The following PCTP variants were observed in gnomAD, a reference collection of about 807,000 sequenced individuals.
The protein encoded by PCTP is phosphatidylcholine transfer protein.
Under a neutral mutation model 31.0 loss-of-function variants are expected in PCTP, and 27 were observed. The observed-to-expected ratio is 0.87, with a 90% CI of 0.64 to 1.20. The LOEUF is 1.20. PCTP is among the 50% of genes most tolerant of loss of function. PCTP has a pLI of 0.00. For missense variants in PCTP, 287 were observed against 268.2 expected (o/e 1.07, Z -0.49); for synonymous variants, 108 against 101.2 (o/e 1.07, Z -0.40).
intron 2 of PCTP, among the ~76,000 whole-genome samples, chr17:55,786,367 T>A (rs1395002495): frequency 1.3e-5 from 2 of 152,246 alleles, no homozygotes; most frequent in African/African-American, 4.8e-5. Flanking sequence ...CATTGTTGAA[T>A]GAACATAATT....
rs574310644 is a variant in PCTP at position 55,751,128 on chromosome 17, T to G, written c.25T>G (p.Ser9Ala). The change falls in exon 1 of 6, where the codon TCG becomes GCG. Residue 9 changes from serine to alanine, a missense_variant. Ser to Ala is a moderately conservative substitution (Grantham distance 99, BLOSUM62 1). Coordinates refer to ENST00000268896, the MANE Select transcript of PCTP (RefSeq NM_021213.4). MELAAGSFSEEQFWEACAE... is the reference protein window; with the variant it reads MELAAGSFAEEQFWEACAE... The stretch of plus-strand genomic sequence containing the variant: ...GATGGAGCTGGCCGCCGGAAGCTTC[T>G]CGGAGGAGCAGTTCTGGGAGGCCTG... The G allele has an allele frequency of 1.6e-5, 25 of 1,543,616 alleles. No individual in the cohort carries two copies. The South Asian group carries it at 2.9e-4, about 18-fold the overall frequency.
chr17:55,835,659 G>A (rs539703088), intron 5 of PCTP, among the ~76,000 whole-genome samples: 47 of 152,232 alleles, frequency 3.1e-4, no homozygotes, highest in African/African-American at 1.1e-3. Context: ...AGACATTGTC[G>A]CTAAGACAAT....
chr17:55,816,720 A>C (rs1912927964), intron 3 of PCTP, among the ~76,000 whole-genome samples: 2 of 152,230 alleles, frequency 1.3e-5, no homozygotes, highest in Non-Finnish European at 2.9e-5. Flanking sequence ...TCGATTCCCT[A>C]GAAGACTGGA....
At chr17:55,819,657 A>G (rs1318618802) in intron 3 of PCTP, among the ~76,000 whole-genome samples, 1 of 152,158 alleles carries the variant, frequency 6.6e-6, no homozygotes, top group African/African-American at 2.4e-5. Flanking sequence ...TGGGAGGCTG[A>G]GGTGGTAGGA....
intron 2 of PCTP, among the ~76,000 whole-genome samples, chr17:55,782,995 AAATGAATC>A (rs1431814001): frequency 6.6e-6 from 1 of 152,246 alleles, no homozygotes; most frequent in East Asian, 1.9e-4. Flanking sequence ...CTGAAGGAAT[AAATGAATC>A]AATGGTGGGG....
At chr17:55,760,747 G>C (rs1220920324) in intron 1 of PCTP, among the ~76,000 whole-genome samples, 2 of 152,100 alleles carry the variant, frequency 1.3e-5, no homozygotes, top group African/African-American at 4.8e-5. Context: ...TTGGAGGCCT[G>C]TTGGGCAAAC....
At chr17:55,821,811 G>A (rs1913125112) in intron 3 of PCTP, among the ~76,000 whole-genome samples, 1 of 152,102 alleles carries the variant, frequency 6.6e-6, no homozygotes, top group Non-Finnish European at 1.5e-5. Context: ...TGGATCTTGT[G>A]AGCATCCTTG....
At chr17:55,789,238 C>T (rs1417626576) in intron 3 of PCTP, among the ~76,000 whole-genome samples, 1 of 152,104 alleles carries the variant, frequency 6.6e-6, no homozygotes, top group Non-Finnish European at 1.5e-5. Context: ...TGGTGAGTAC[C>T]CATTTATGCT....
intron 3 of PCTP, among the ~76,000 whole-genome samples, chr17:55,799,552 T>TG (rs951073894): frequency 6.6e-6 from 1 of 152,178 alleles, no homozygotes; most frequent in Non-Finnish European, 1.5e-5. Context: ...GTCTTTTAAT[T>TG]GGGGCATTTA....
At chr17:55,762,972 T>C (rs946903378) in intron 1 of PCTP, among the ~76,000 whole-genome samples, 1 of 152,230 alleles carries the variant, frequency 6.6e-6, no homozygotes, top group African/African-American at 2.4e-5. Context: ...ATTTGAATTG[T>C]AGGAAACTAA....
At chr17:55,839,919 C>CAA (rs57402824) in intron 5 of PCTP, among the ~76,000 whole-genome samples, 515 of 12,482 alleles carry the variant, frequency 0.041, 125 homozygotes, top group African/African-American at 0.12. Flanking sequence ...GACTCAGTCT[C>CAA]AAAAAAAAAA....
intron 3 of PCTP, among the ~76,000 whole-genome samples, chr17:55,820,946 A>G (rs1913094768): frequency 6.6e-6 from 1 of 152,244 alleles, no homozygotes; most frequent in Non-Finnish European, 1.5e-5. Flanking sequence ...TAGGCAGTGC[A>G]GCCACTTTGG....
intron 2 of PCTP, chr17:55,768,961 A>G (rs1457748717): frequency 6.6e-6 from 1 of 152,230 alleles, no homozygotes; most frequent in Non-Finnish European, 1.5e-5. Context: ...GTAAGAAGAG[A>G]AAAAGGAGTT....
At chr17:55,805,918 T>TGTGTGTGTG (rs1567726531) in intron 3 of PCTP, among the ~76,000 whole-genome samples, 14 of 108,902 alleles carry the variant, frequency 1.3e-4, no homozygotes, top group African/African-American at 4.9e-4. Context: ...GTGTGTGTGT[T>TGTGTGTGTG]TGACTTTAGA....
rs546766929 is a variant in PCTP at position 55,755,415 on chromosome 17, T to A, written c.141+4171T>A. On this transcript the variant is annotated intron_variant, in intron 1 of 5. Transcript: ENST00000268896. Reference sequence around the variant, plus strand: ...TGATTTAAATGATGCTGTAACAAAGTTACTGTTACATGTTTTTAAAAGACT... The same window carrying A: ...TGATTTAAATGATGCTGTAACAAAGATACTGTTACATGTTTTTAAAAGACT... Among the ~76,000 whole-genome samples the A allele has an allele frequency of 2.0e-3, 309 of 152,206 alleles. 2 individuals are homozygous for A. The highest frequency in any genetic ancestry group is 3.4e-3 in the Non-Finnish European group (231 of 68,036).
chr17:55,806,317 C>T (rs1422034734), intron 3 of PCTP, among the ~76,000 whole-genome samples: 2 of 152,002 alleles, frequency 1.3e-5, no homozygotes, highest in Non-Finnish European at 2.9e-5. Flanking sequence ...TACTGGCTTG[C>T]AAGAAACTGT....
intron 5 of PCTP, among the ~76,000 whole-genome samples, chr17:55,839,919 CAAAAAAAAAAAAA>C (rs57402824): frequency 2.4e-4 from 3 of 12,506 alleles, no homozygotes; most frequent in African/African-American, 7.8e-4. Flanking sequence ...GACTCAGTCT[CAAAAAAAAAAAAA>C]AAAAAAAAAA....
chr17:55,842,326 A>G (rs1362381808), intron 5 of PCTP, among the ~76,000 whole-genome samples: 1 of 152,174 alleles, frequency 6.6e-6, no homozygotes, highest in African/African-American at 2.4e-5. Flanking sequence ...CTGGCTCTTG[A>G]ACTTCAGAGC....
chr17:55,768,057 G>A (rs1423309996), intron 2 of PCTP, among the ~76,000 whole-genome samples: 2 of 148,422 alleles, frequency 1.3e-5, no homozygotes, highest in East Asian at 2.0e-4. Context: ...CTGTACTTCA[G>A]CAGGGACAAC....
Sources: allele counts gnomAD v4.1 joint callset (sites outside exome capture counted in the v4.1 genomes callset), GRCh38; gene constraint gnomAD v4.1.1; transcripts MANE v1.5; gene names NCBI Gene and HGNC (gene_info 2026-07-23, HGNC 2026-07-21).